CHCHD6: variants seen among roughly 807,000 people sequenced by gnomAD.
CHCHD6 encodes the protein MICOS complex subunit MIC25.
CHCHD6 carries 28 observed loss-of-function variants against 32.3 expected under a neutral mutation model. The ratio of observed to expected loss-of-function variants is 0.87; its 90% confidence interval spans 0.64 to 1.19. CHCHD6 has a LOEUF of 1.19. Among genes scored for constraint, CHCHD6 ranks in the 50% most tolerant of loss-of-function variants. The pLI is 0.00. For synonymous variants in CHCHD6, 122 were observed against 117.5 expected (o/e 1.04, Z -0.25); for missense variants, 333 against 307.0 (o/e 1.08, Z -0.63).
chr3:126,864,205 C>A (rs540666473), intron 5 of CHCHD6, among the ~76,000 whole-genome samples: 3 of 146,512 alleles, frequency 2.0e-5, no homozygotes, highest in African/African-American at 7.6e-5. Flanking sequence ...ACCATCACCA[C>A]CTCCTCATCC....
At chr3:126,737,186 G>A (rs2107661568) in intron 4 of CHCHD6, among the ~76,000 whole-genome samples, 1 of 152,032 alleles carries the variant, frequency 6.6e-6, no homozygotes, top group East Asian at 1.9e-4. Context: ...TGGGCGTGGT[G>A]GTGCATGCCT....
intron 4 of CHCHD6, among the ~76,000 whole-genome samples, chr3:126,768,685 G>A (rs943235876): frequency 2.0e-5 from 3 of 152,108 alleles, no homozygotes; most frequent in Non-Finnish European, 4.4e-5. Flanking sequence ...CATTCCCACA[G>A]CAGTGTCTAT....
intron 4 of CHCHD6, among the ~76,000 whole-genome samples, chr3:126,775,277 T>C (rs1025908817): frequency 6.6e-6 from 1 of 152,232 alleles, no homozygotes; most frequent in Non-Finnish European, 1.5e-5. Context: ...CTTTTCCATC[T>C]TGTTGATCTG....
At chr3:126,891,660 T>C (rs73207607) in intron 5 of CHCHD6, among the ~76,000 whole-genome samples, 18,498 of 152,156 alleles carry the variant, frequency 0.12, 1,282 homozygotes, top group South Asian at 0.28. Context: ...AGCCATCCCA[T>C]GTGAAACAGG....
At chr3:126,832,380 T>C (rs1329163477) in intron 4 of CHCHD6, among the ~76,000 whole-genome samples, 1 of 152,194 alleles carries the variant, frequency 6.6e-6, no homozygotes, top group Non-Finnish European at 1.5e-5. Context: ...GGTTCAGCAA[T>C]GGCAGAGCAC....
chr3:126,898,525 T>TAGTTC (rs745456312), intron 5 of CHCHD6, among the ~76,000 whole-genome samples: 15 of 152,100 alleles, frequency 9.9e-5, no homozygotes, highest in African/African-American at 3.6e-4. Flanking sequence ...TTTAGTTAGT[T>TAGTTC]AGTTTAGTTT....
At chr3:126,833,348 C>G (rs188191851) in intron 4 of CHCHD6, among the ~76,000 whole-genome samples, 17 of 152,338 alleles carry the variant, frequency 1.1e-4, no homozygotes, top group Admixed American at 9.8e-4. Flanking sequence ...ACACTCAGCT[C>G]TTTCCAGAAA....
intron 4 of CHCHD6, among the ~76,000 whole-genome samples, chr3:126,792,403 G>C (rs973375677): frequency 5.3e-5 from 8 of 152,042 alleles, no homozygotes; most frequent in African/African-American, 1.9e-4. Context: ...TCCATGCACA[G>C]GGGTGCCAGT....
chr3:126,823,280 A>G (rs1230334959), intron 4 of CHCHD6, among the ~76,000 whole-genome samples: 3 of 152,180 alleles, frequency 2.0e-5, no homozygotes, highest in Non-Finnish European at 4.4e-5. Context: ...TTCTGTATCA[A>G]TTTCAGAATC....
intron 6 of CHCHD6, among the ~76,000 whole-genome samples, chr3:126,948,258 G>A (rs558915321): frequency 6.6e-6 from 1 of 152,334 alleles, no homozygotes; most frequent in South Asian, 2.1e-4. Context: ...GTTCTGGAGG[G>A]CAGAGGTCCA....
intron 5 of CHCHD6, among the ~76,000 whole-genome samples, chr3:126,863,411 C>G (rs1227480548): frequency 8.1e-6 from 1 of 123,254 alleles, no homozygotes; most frequent in Non-Finnish European, 1.7e-5. Flanking sequence ...TCCTCCTCTA[C>G]CATCATCACC....
chr3:126,788,936 C>T (rs948710426), intron 4 of CHCHD6, among the ~76,000 whole-genome samples: 1 of 152,128 alleles, frequency 6.6e-6, no homozygotes, highest in Non-Finnish European at 1.5e-5. Context: ...TTAGATCTTT[C>T]CTGCTTTCTC....
At chr3:126,792,008 C>T (rs938931635) in intron 4 of CHCHD6, among the ~76,000 whole-genome samples, 3 of 152,074 alleles carry the variant, frequency 2.0e-5, no homozygotes, top group South Asian at 2.1e-4. Flanking sequence ...CGAAGTATAA[C>T]GTTTTCGGGG....
intron 5 of CHCHD6, among the ~76,000 whole-genome samples, chr3:126,899,865 C>G (rs1038267294): frequency 2.6e-5 from 4 of 152,206 alleles, no homozygotes; most frequent in Non-Finnish European, 5.9e-5. Flanking sequence ...GTGACCTCAT[C>G]TAGCCACTTG....
intron 5 of CHCHD6, among the ~76,000 whole-genome samples, chr3:126,902,518 C>A (rs926902248): frequency 6.6e-6 from 1 of 152,002 alleles, no homozygotes; most frequent in East Asian, 1.9e-4. Context: ...AGATCGAGAC[C>A]ATCCTGGCTA....
chr3:126,753,526 G>A (rs757521135), intron 4 of CHCHD6, among the ~76,000 whole-genome samples: 25 of 152,138 alleles, frequency 1.6e-4, no homozygotes, highest in Admixed American at 7.2e-4. Flanking sequence ...CATTGGACGG[G>A]GCCTCTGTAG....
chr3:126,942,402 A>G (rs2078573519), intron 6 of CHCHD6, among the ~76,000 whole-genome samples: 2 of 152,132 alleles, frequency 1.3e-5, no homozygotes, highest in African/African-American at 4.8e-5. Flanking sequence ...ATCTATTTCC[A>G]TCATTTCTTC....
At chr3:126,889,061 G>A (rs1304362578) in intron 5 of CHCHD6, among the ~76,000 whole-genome samples, 2 of 152,210 alleles carry the variant, frequency 1.3e-5, no homozygotes, top group African/African-American at 2.4e-5. Context: ...ACCAGCACGG[G>A]TTGGTGTGGG....
chr3:126,939,163 C>A (rs1279773453), intron 6 of CHCHD6, among the ~76,000 whole-genome samples: 1 of 152,132 alleles, frequency 6.6e-6, no homozygotes, highest in Admixed American at 6.6e-5. Context: ...CAGCCTGCCT[C>A]CAGAATCCAC....
Sources: allele counts gnomAD v4.1 joint callset (sites outside exome capture counted in the v4.1 genomes callset), GRCh38; gene constraint gnomAD v4.1.1; transcripts MANE v1.5; gene names NCBI Gene and HGNC (gene_info 2026-07-23, HGNC 2026-07-21).